The following CCDC178 variants were observed in gnomAD, a reference collection of about 807,000 sequenced individuals.
The protein encoded by CCDC178 is coiled-coil domain-containing protein 178.
CCDC178 carries 126 observed loss-of-function variants against 117.4 expected under a neutral mutation model. The ratio of observed to expected loss-of-function variants is 1.07; its 90% CI spans 0.93 to 1.24. CCDC178 has a LOEUF of 1.24. CCDC178 is among the 50% of genes most tolerant of loss of function. The probability of loss-of-function intolerance (pLI) is 0.00; values close to 1 mark genes in which losing one functional copy is unlikely to be tolerated. For synonymous variants in CCDC178, 283 were observed against 313.4 expected (o/e 0.90, Z 1.02); for missense variants, 1,030 against 986.9 (o/e 1.04, Z -0.59).
chr18:33,350,223 T>C (rs756388415), intron 7 of CCDC178, among the ~76,000 whole-genome samples: 6 of 152,064 alleles, frequency 3.9e-5, no homozygotes, highest in Admixed American at 6.6e-5. Flanking sequence ...TGTATTATCT[T>C]CTAAAGTTCG....
chr18:33,061,551 T>C (rs1431672546), intron 21 of CCDC178, among the ~76,000 whole-genome samples: 1 of 152,146 alleles, frequency 6.6e-6, no homozygotes, highest in Non-Finnish European at 1.5e-5. Flanking sequence ...TAACCATTCA[T>C]TCTACCTCTG....
chr18:33,271,604 A>C (rs980000962), intron 12 of CCDC178, among the ~76,000 whole-genome samples: 5 of 151,518 alleles, frequency 3.3e-5, no homozygotes, highest in Non-Finnish European at 7.4e-5. Context: ...CCCAACAACA[A>C]AGCTTCAAGA....
intron 20 of CCDC178, among the ~76,000 whole-genome samples, chr18:33,186,339 A>T (rs1273398936): frequency 1.3e-5 from 2 of 152,034 alleles, no homozygotes; most frequent in Non-Finnish European, 2.9e-5. Context: ...ATAGCAACTT[A>T]GCACTCTTAG....
intron 9 of CCDC178, 96 bp downstream of exon 9, chr18:33,346,115 G>A (rs1470662464): frequency 1.1e-6 from 1 of 889,090 alleles, no homozygotes; most frequent in East Asian, 2.7e-5. Context: ...CATGAGCCAT[G>A]GCACTAAGAC....
chr18:33,087,312 G>A (rs954117579), intron 21 of CCDC178, among the ~76,000 whole-genome samples: 1 of 152,088 alleles, frequency 6.6e-6, no homozygotes, highest in African/African-American at 2.4e-5. Context: ...CCCAGTCTTA[G>A]TATTTTCCTC....
At chr18:33,119,910 T>A (rs1320699712) in intron 20 of CCDC178, among the ~76,000 whole-genome samples, 3 of 152,010 alleles carry the variant, frequency 2.0e-5, no homozygotes, top group African/African-American at 7.2e-5. Flanking sequence ...CTGGAAACCA[T>A]CATTCTCAGC....
At chr18:33,366,472 G>T (rs1486030824) in intron 6 of CCDC178, among the ~76,000 whole-genome samples, 1 of 151,952 alleles carries the variant, frequency 6.6e-6, no homozygotes, top group Non-Finnish European at 1.5e-5. Context: ...CCAGTTGCTT[G>T]CTTTGACCTC....
chr18:33,374,246 T>C (rs541378917), intron 5 of CCDC178, among the ~76,000 whole-genome samples: 1 of 152,250 alleles, frequency 6.6e-6, no homozygotes, highest in East Asian at 1.9e-4. Flanking sequence ...ACATATGGCA[T>C]AGAATCCCTG....
chr18:33,119,213 C>G (rs1330849944), intron 20 of CCDC178, among the ~76,000 whole-genome samples: 1 of 152,146 alleles, frequency 6.6e-6, no homozygotes, highest in Non-Finnish European at 1.5e-5. Flanking sequence ...TAAAGAGCTT[C>G]TGCACAGCAA....
At chr18:33,353,256 T>G (rs370588977) in intron 7 of CCDC178, among the ~76,000 whole-genome samples, 14 of 152,126 alleles carry the variant, frequency 9.2e-5, no homozygotes, top group Non-Finnish European at 1.0e-4. Flanking sequence ...GCATGGAATA[T>G]GGTTTTTCAT....
intron 5 of CCDC178, among the ~76,000 whole-genome samples, chr18:33,381,883 T>G (rs925251616): frequency 4.6e-5 from 7 of 152,204 alleles, no homozygotes; most frequent in Admixed American, 3.3e-4. Flanking sequence ...TTCATATATT[T>G]TATTTGGCCT....
At chr18:33,108,404 T>C (rs530234982) in intron 20 of CCDC178, among the ~76,000 whole-genome samples, 26 of 151,780 alleles carry the variant, frequency 1.7e-4, no homozygotes, top group African/African-American at 6.3e-4. Flanking sequence ...TTTGAGGTTA[T>C]GGCATTCCCG....
intron 21 of CCDC178, among the ~76,000 whole-genome samples, chr18:32,992,772 C>T (rs1237242989): frequency 6.6e-6 from 1 of 152,080 alleles, no homozygotes; most frequent in African/African-American, 2.4e-5. Flanking sequence ...TTGCATTTTA[C>T]CCCATAAATA....
At chr18:33,189,224 T>C (rs1010636572) in intron 20 of CCDC178, among the ~76,000 whole-genome samples, 1 of 152,184 alleles carries the variant, frequency 6.6e-6, no homozygotes, top group African/African-American at 2.4e-5. Context: ...AATGAAGATT[T>C]GTGTCATCTG....
chr18:33,244,380 C>T (rs2059522508), intron 15 of CCDC178, among the ~76,000 whole-genome samples: 1 of 151,802 alleles, frequency 6.6e-6, no homozygotes, highest in Admixed American at 6.6e-5. Flanking sequence ...TATGGTTTGG[C>T]TTTGTGTCCA....
At chr18:33,219,739 C>A (rs953686603) in intron 18 of CCDC178, among the ~76,000 whole-genome samples, 1 of 151,872 alleles carries the variant, frequency 6.6e-6, no homozygotes, top group African/African-American at 2.4e-5. Context: ...AACACTTGGA[C>A]ACAGGGTAGG....
intron 6 of CCDC178, among the ~76,000 whole-genome samples, chr18:33,364,985 G>A (rs1599225319): frequency 2.0e-5 from 3 of 151,926 alleles, no homozygotes; most frequent in African/African-American, 7.2e-5. Flanking sequence ...CAGACCATCA[G>A]AGATATTTGG....
At chr18:33,434,829 A>C (rs2064267383) in intron 2 of CCDC178, among the ~76,000 whole-genome samples, 1 of 148,968 alleles carries the variant, frequency 6.7e-6, no homozygotes, top group Non-Finnish European at 1.5e-5. Flanking sequence ...CTGCTACTTC[A>C]GAATCTAGAT....
At chr18:33,021,414 C>T (rs924659333) in intron 21 of CCDC178, among the ~76,000 whole-genome samples, 1 of 152,088 alleles carries the variant, frequency 6.6e-6, no homozygotes, top group African/African-American at 2.4e-5. Context: ...TTAAAAATAA[C>T]AGGCCAGGCA....
Sources: gnomAD v4.1 joint callset for allele counts (sites outside exome capture counted in the v4.1 genomes callset) on GRCh38, gnomAD v4.1.1 for gene constraint, MANE v1.5 for transcripts, NCBI Gene and HGNC (gene_info 2026-07-23, HGNC 2026-07-21) for gene names.